Variants in MGA observed in about 807,000 individuals in gnomAD.
MGA encodes the protein MAX dimerization protein MGA.
MGA carries 40 observed loss-of-function variants against 261.1 expected under a neutral mutation model. The ratio of observed to expected loss-of-function variants is 0.15; its 90% CI spans 0.12 to 0.20. The LOEUF (loss-of-function observed/expected upper bound fraction) is 0.20, where lower values mean the gene tolerates loss of function less well. MGA is among the 10% of genes least tolerant of loss of function. The pLI, the probability that MGA is intolerant of heterozygous loss-of-function variation, is 1.00. For missense variants in MGA, 3,397 were observed against 3,630.5 expected, an observed-to-expected ratio of 0.94 and a Z score of 1.65; for synonymous variants, 1,302 against 1,290.6, an observed-to-expected ratio of 1.01 and a Z score of -0.19.
intron 10 of MGA, among the ~76,000 whole-genome samples, chr15:41,728,628 T>A (rs549462407): frequency 1.9e-4 from 29 of 152,294 alleles, no homozygotes; most frequent in African/African-American, 6.7e-4. Flanking sequence ...TCATACTATC[T>A]TCACATGGAG....
At chr15:41,696,027 A>G in intron 2 of MGA, 48 bp from the exon 3 acceptor site, 1 of 1,315,668 alleles carries the variant, frequency 7.6e-7, no homozygotes. Flanking sequence ...AGTCTTGTTA[A>G]TGGATCATTT....
intron 5 of MGA, among the ~76,000 whole-genome samples, chr15:41,705,619 C>T (rs1343684402): frequency 6.6e-6 from 1 of 152,176 alleles, no homozygotes; most frequent in African/African-American, 2.4e-5. Context: ...TCTTTGGCCT[C>T]CCAAAGTGCA....
rs1264946923 is a variant in MGA at position 41,713,378 on chromosome 15, T to A, written c.3312T>A (p.Ala1104=). 6.2e-7 allele frequency: 1 copy of A among 1,611,058 alleles called. No individual in the cohort carries two copies. Among genetic ancestry groups the A allele is most frequent in the Non-Finnish European group, 8.5e-7 (1 of 1,178,592 alleles). The change falls in exon 9 of 24, where the codon GCT becomes GCA. Residue 1104 remains alanine, a synonymous_variant. Transcript: ENST00000219905. Reference sequence around the variant, plus strand: ...CTAAGCATTTTCAGAGGAAGGCTGCTCATCGAGATCCAGTATTTTATGATA... The same window carrying A: ...CTAAGCATTTTCAGAGGAAGGCTGCACATCGAGATCCAGTATTTTATGATA...
At chr15:41,623,243 G>A (rs916668625) in intron 1 of MGA, among the ~76,000 whole-genome samples, 2 of 152,114 alleles carry the variant, frequency 1.3e-5, no homozygotes, top group African/African-American at 4.8e-5. Flanking sequence ...ATGAGGAAAG[G>A]ACTTGTACTA....
intron 9 of MGA, among the ~76,000 whole-genome samples, chr15:41,720,597 C>T (rs547408195): frequency 6.6e-5 from 10 of 152,124 alleles, no homozygotes; most frequent in East Asian, 1.9e-4. Flanking sequence ...TTTGAGAGGC[C>T]GAGGTGGGCA....
chr15:41,730,322 C>T (rs1382276875), intron 11 of MGA, among the ~76,000 whole-genome samples: 2 of 151,902 alleles, frequency 1.3e-5, no homozygotes, highest in African/African-American at 4.8e-5. Context: ...CCCTGTAATC[C>T]CAGCTATTCG....
chr15:41,633,423 G>A (rs1178781524), intron 1 of MGA, among the ~76,000 whole-genome samples: 1 of 145,778 alleles, frequency 6.9e-6, no homozygotes, highest in Non-Finnish European at 1.5e-5. Flanking sequence ...GTGCAGTCTT[G>A]GTTCACTGCA....
chr15:41,743,300 T>C, intron 15 of MGA, 128 bp downstream of exon 15: 9 of 1,200,274 alleles, frequency 7.5e-6, no homozygotes, highest in Non-Finnish European at 1.0e-5. Flanking sequence ...ATGATACATG[T>C]ATTCCTGAAA....
chr15:41,726,435 A>C (rs1426635192), intron 9 of MGA, among the ~76,000 whole-genome samples: 1 of 152,192 alleles, frequency 6.6e-6, no homozygotes, highest in African/African-American at 2.4e-5. Flanking sequence ...TGTGGTTAAA[A>C]GTTATCTTTT....
intron 11 of MGA, among the ~76,000 whole-genome samples, chr15:41,729,592 C>G (rs962402260): frequency 6.6e-6 from 1 of 151,880 alleles, no homozygotes; most frequent in African/African-American, 2.4e-5. Context: ...GACGCTGAGG[C>G]AGGCGGATCA....
intron 15 of MGA, among the ~76,000 whole-genome samples, chr15:41,746,903 T>C (rs1032697645): frequency 2.7e-4 from 41 of 152,142 alleles, no homozygotes; most frequent in Non-Finnish European, 4.4e-5. Flanking sequence ...CCAATTTGAA[T>C]AGTAATGTTA....
chr15:41,762,246 G>C lies in MGA; in HGVS notation c.7628G>C (p.Arg2543Thr), dbSNP rs1201782657. 4 of 1,613,750 alleles carry C rather than the reference G, an allele frequency of 2.5e-6. No individual in the cohort carries two copies. The highest frequency in any genetic ancestry group is 3.4e-6 in the Non-Finnish European group (4 of 1,179,880). ...TCAGATGAGTTTGACATATCTCCCA[G>C]AATTAGCAAACAGCAGGAAGGATCT... The change falls in exon 22 of 24, where the codon AGA (arginine) becomes ACA (threonine). Residue 2543 changes from arginine to threonine, a missense_variant. Arg to Thr is a moderately conservative substitution (Grantham distance 71). This residue lies in a region of MGA where 647 missense variants were observed against 642.4 expected (regional missense o/e 1.01). Coordinates refer to ENST00000219905, the MANE Select transcript of MGA (RefSeq NM_001164273.2).
intron 18 of MGA, 112 bp downstream of exon 18, chr15:41,754,679 G>C (rs1034544072): frequency 1.6e-6 from 2 of 1,256,154 alleles, no homozygotes; most frequent in South Asian, 3.8e-5. Context: ...TCTTCCTCTA[G>C]CTTTTTTTCT....
At chr15:41,664,199 A>AT (rs1005129667) in intron 1 of MGA, among the ~76,000 whole-genome samples, 1 of 152,142 alleles carries the variant, frequency 6.6e-6, no homozygotes, top group African/African-American at 2.4e-5. Flanking sequence ...ACATTTTTAC[A>AT]TTTTTTTATT....
chr15:41,703,959 C>T (rs899484765), intron 5 of MGA, among the ~76,000 whole-genome samples: 17 of 152,062 alleles, frequency 1.1e-4, no homozygotes, highest in Non-Finnish European at 2.9e-5. Flanking sequence ...AAGCACATGC[C>T]ACCACACCTG....
intron 1 of MGA, among the ~76,000 whole-genome samples, chr15:41,641,370 A>C (rs1595558266): frequency 6.6e-6 from 1 of 152,182 alleles, no homozygotes; most frequent in African/African-American, 2.4e-5. Flanking sequence ...TGATTGGGTC[A>C]TATGGTATCT....
At chr15:41,621,828 G>C (rs928985176) in intron 1 of MGA, among the ~76,000 whole-genome samples, 3 of 152,210 alleles carry the variant, frequency 2.0e-5, no homozygotes, top group Non-Finnish European at 4.4e-5. Flanking sequence ...GGTTCGACCG[G>C]GCCCTGACGG....
chr15:41,742,498 T>G (rs754035267), intron 14 of MGA, 48 bp from the exon 15 acceptor site: 5 of 1,584,058 alleles, frequency 3.2e-6, no homozygotes, highest in Non-Finnish European at 4.3e-6. Flanking sequence ...ACTAAGAGGA[T>G]AAAATATGAG....
chr15:41,719,094 A>G lies in MGA; in HGVS notation c.3430+5598A>G, dbSNP rs147253031. Among the ~76,000 whole-genome samples, 820 of 152,346 alleles carry G rather than the reference A, an allele frequency of 5.4e-3. 2 individuals are homozygous for G. Among genetic ancestry groups the G allele is most frequent in the Non-Finnish European group, 8.8e-3 (601 of 68,032 alleles). On this transcript the variant is annotated intron_variant, in intron 9 of 23. Coordinates refer to ENST00000219905, the MANE Select transcript of MGA (RefSeq NM_001164273.2). ...TGCAACATGTTTGTACATATAAGCA[A>G]TGAACAATTGGAAATTGAGATAAGT...
Sources: gnomAD v4.1 joint callset for allele counts (sites outside exome capture counted in the v4.1 genomes callset) on GRCh38, gnomAD v4.1.1 for gene constraint, gnomAD v4.1.1 regional missense constraint, MANE v1.5 for transcripts, NCBI Gene and HGNC (gene_info 2026-07-23, HGNC 2026-07-21) for gene names.